RBM6: variants seen among roughly 807,000 people sequenced by gnomAD.
RBM6 encodes the protein RNA binding motif protein 6.
In RBM6, 23 loss-of-function variants were observed where a neutral mutation model predicts 140.4. The ratio of observed to expected loss-of-function variants is 0.16; its 90% CI spans 0.12 to 0.23. RBM6 has a LOEUF of 0.23. Ranked by LOEUF, RBM6 falls within the 10% of genes least tolerant of loss-of-function variation. The pLI, the probability that RBM6 is intolerant of heterozygous loss-of-function variation, is 1.00. For synonymous variants in RBM6, 439 were observed against 475.6 expected (o/e 0.92, Z 1.00); for missense variants, 1,139 against 1,386.7 (o/e 0.82, Z 2.84).
intron 15 of RBM6, among the ~76,000 whole-genome samples, chr3:50,064,759 G>A (rs1252993249): frequency 6.6e-6 from 1 of 152,078 alleles, no homozygotes; most frequent in Admixed American, 6.5e-5. Flanking sequence ...CTCACTGCAA[G>A]CTCCGCCTCT....
intron 1 of RBM6, among the ~76,000 whole-genome samples, chr3:49,941,964 G>C (rs929823017): frequency 6.6e-6 from 1 of 151,748 alleles, no homozygotes; most frequent in Non-Finnish European, 1.5e-5. Context: ...GCCAGGCGTG[G>C]TGGCATGCTC....
chr3:50,007,755 G>C (rs188752604), intron 6 of RBM6, among the ~76,000 whole-genome samples: 2 of 151,526 alleles, frequency 1.3e-5, no homozygotes, highest in Non-Finnish European at 2.9e-5. Flanking sequence ...GGATGGTCTC[G>C]ATCTCCTGAC....
At chr3:49,987,896 C>T (rs1244074715) in intron 5 of RBM6, among the ~76,000 whole-genome samples, 1 of 152,200 alleles carries the variant, frequency 6.6e-6, no homozygotes, top group Non-Finnish European at 1.5e-5. Flanking sequence ...ACCTTGGCCT[C>T]CCAAGCGTGG....
chr3:49,982,168 T>A (rs920153390), intron 5 of RBM6, among the ~76,000 whole-genome samples: 1 of 152,094 alleles, frequency 6.6e-6, no homozygotes, highest in Non-Finnish European at 1.5e-5. Context: ...TTGCAATGAC[T>A]AGGTCAGTCA....
chr3:49,999,641 A>C, intron 6 of RBM6, 128 bp downstream of exon 6: 2 of 802,388 alleles, frequency 2.5e-6, no homozygotes, highest in East Asian at 5.0e-5. Flanking sequence ...CTGTATTCCA[A>C]CCATCGGTTG....
At chr3:49,965,121 A>C (rs1160372303) in intron 2 of RBM6, among the ~76,000 whole-genome samples, 1 of 152,218 alleles carries the variant, frequency 6.6e-6, no homozygotes, top group Non-Finnish European at 1.5e-5. Flanking sequence ...TGTATAAAAT[A>C]CAAATCTAAG....
chr3:49,954,151 AT>A (rs201669738), intron 1 of RBM6, among the ~76,000 whole-genome samples: 1,804 of 151,084 alleles, frequency 0.012, 23 homozygotes, highest in African/African-American at 0.041. Flanking sequence ...AAAAAAAAAA[AT>A]TTATAGGCCG....
intron 1 of RBM6, among the ~76,000 whole-genome samples, chr3:49,961,067 CCTGA>C (rs1236986627): frequency 6.6e-6 from 1 of 151,794 alleles, no homozygotes; most frequent in African/African-American, 2.4e-5. Context: ...AGTCATCATG[CCTGA>C]CTAATTTTTG....
intron 6 of RBM6, among the ~76,000 whole-genome samples, chr3:50,032,564 A>G (rs1386324028): frequency 1.3e-5 from 2 of 151,944 alleles, no homozygotes; most frequent in Non-Finnish European, 2.9e-5. Flanking sequence ...TAGTCTCTTA[A>G]TTTCCCAGAA....
rs1182296633 is a variant in RBM6 at position 50,004,474 on chromosome 3, A to ATT, written c.1557+4979_1557+4980dup. ...GGAACTACCACCACCACAGCTGGCT[A>ATT]TTTTTTTTTTTTTTTTTTTGTAGAG... On this transcript the variant is annotated intron_variant, in intron 6 of 20. Coordinates refer to ENST00000266022, the MANE Select transcript of RBM6 (RefSeq NM_005777.3). Among the ~76,000 whole-genome samples the ATT allele has an allele frequency of 1.8e-3, 185 of 103,328 alleles. 3 individuals carry two copies. Among genetic ancestry groups the ATT allele is most frequent in the Middle Eastern group, 5.0e-3 (1 of 200 alleles). The allele number at this position is 103,328 out of a possible 152,430, so 67.8% of individuals were successfully genotyped here.
intron 1 of RBM6, among the ~76,000 whole-genome samples, chr3:49,949,296 T>A (rs144600011): frequency 6.6e-6 from 1 of 152,136 alleles, no homozygotes; most frequent in African/African-American, 2.4e-5. Flanking sequence ...TCCCCCTACT[T>A]ACCCCCTCTT....
At chr3:49,960,269 G>A (rs2084224926) in intron 1 of RBM6, among the ~76,000 whole-genome samples, 1 of 152,204 alleles carries the variant, frequency 6.6e-6, no homozygotes, top group Non-Finnish European at 1.5e-5. Flanking sequence ...TGGAGAGGGG[G>A]TAGGGCAAGG....
chr3:49,973,550 C>T (rs2084898933), intron 4 of RBM6, among the ~76,000 whole-genome samples: 1 of 150,702 alleles, frequency 6.6e-6, no homozygotes, highest in Non-Finnish European at 1.5e-5. Context: ...GATTTCAGAG[C>T]TTAAGCCTTT....
intron 6 of RBM6, among the ~76,000 whole-genome samples, chr3:50,031,756 C>T (rs1010943603): frequency 6.6e-6 from 1 of 151,942 alleles, no homozygotes; most frequent in Non-Finnish European, 1.5e-5. Flanking sequence ...TTTGATACCA[C>T]AATAGGGTGA....
At chr3:49,950,215 G>C (rs1217806562) in intron 1 of RBM6, among the ~76,000 whole-genome samples, 3 of 152,128 alleles carry the variant, frequency 2.0e-5, no homozygotes, top group Non-Finnish European at 4.4e-5. Flanking sequence ...AATGTCCTGT[G>C]TAGCCCACAA....
Position 50,061,161 on chromosome 3 carries a change from A to G in RBM6, c.2293A>G (p.Arg765Gly). Residue 765 changes from arginine to glycine, a missense_variant, in exon 13 of 21, where the codon AGG becomes GGG. Physicochemically the swap from Arg to Gly is moderately radical, Grantham distance 125. Coordinates refer to ENST00000266022, the MANE Select transcript of RBM6 (RefSeq NM_005777.3). ...ATAGGGTAAAAAATATTTCCGAGAT[A>G]GGAGGGGAGGTGGCAGAAATTCAGA... ...YYQGKKYFRD[R>G]RGGGRNSDWS... 6.2e-7 allele frequency: 1 copy of G among 1,614,202 alleles called. No homozygotes were observed.
intron 1 of RBM6, among the ~76,000 whole-genome samples, chr3:49,955,880 GTGTGTA>G (rs949188395): frequency 2.0e-5 from 3 of 151,430 alleles, no homozygotes; most frequent in Admixed American, 6.6e-5. Context: ...GTGTGTGTGT[GTGTGTA>G]TATGTATATA....
chr3:49,953,657 T>C (rs1436447871), intron 1 of RBM6, among the ~76,000 whole-genome samples: 2 of 151,800 alleles, frequency 1.3e-5, no homozygotes, highest in African/African-American at 4.8e-5. Context: ...GTAGCTGGGA[T>C]TGCAGGCATG....
intron 1 of RBM6, among the ~76,000 whole-genome samples, chr3:49,949,134 C>A (rs1053519926): frequency 2.0e-5 from 3 of 151,234 alleles, no homozygotes; most frequent in Non-Finnish European, 4.4e-5. Flanking sequence ...TGGTCATACC[C>A]AAATATTTTA....
Sources: gnomAD v4.1 joint callset for allele counts (sites outside exome capture counted in the v4.1 genomes callset) on GRCh38, gnomAD v4.1.1 for gene constraint, MANE v1.5 for transcripts, NCBI Gene and HGNC (gene_info 2026-07-23, HGNC 2026-07-21) for gene names.